Variants in SOX6 observed in about 807,000 individuals in gnomAD.
SOX6 encodes SRY-box transcription factor 6, also known as transcription factor SOX-6.
Under a neutral mutation model 97.8 loss-of-function variants are expected in SOX6, and 11 were observed. The observed-to-expected ratio is 0.11, with a 90% CI of 0.07 to 0.19. The LOEUF (loss-of-function observed/expected upper bound fraction) is 0.19. Ranked by LOEUF, SOX6 falls within the 10% of genes least tolerant of loss-of-function variation. SOX6 has a pLI of 1.00. For synonymous variants in SOX6, 360 were observed against 371.4 expected, an observed-to-expected ratio of 0.97 and a Z score of 0.35; for missense variants, 810 against 1,039.5, an observed-to-expected ratio of 0.78 and a Z score of 3.04.
chr11:16,364,666 A>G (rs1158184490), intron 1 of SOX6, among the ~76,000 whole-genome samples: 3 of 152,184 alleles, frequency 2.0e-5, no homozygotes, highest in Non-Finnish European at 2.9e-5. Context: ...CATCAATTTG[A>G]AAAGTATAAA....
intron 4 of SOX6, among the ~76,000 whole-genome samples, chr11:16,581,380 C>A (rs964017883): frequency 2.0e-5 from 3 of 152,076 alleles, no homozygotes; most frequent in Non-Finnish European, 2.9e-5. Flanking sequence ...TCCCCTCACT[C>A]ATAAGTGGGA....
At chr11:16,674,432 C>T (rs1182783577) in intron 3 of SOX6, among the ~76,000 whole-genome samples, 2 of 152,162 alleles carry the variant, frequency 1.3e-5, no homozygotes, top group Non-Finnish European at 2.9e-5. Flanking sequence ...GCAAGACCCA[C>T]AGCTAATATC....
intron 4 of SOX6, among the ~76,000 whole-genome samples, chr11:16,536,421 G>T (rs1057212093): frequency 6.6e-6 from 1 of 152,170 alleles, no homozygotes; most frequent in African/African-American, 2.4e-5. Flanking sequence ...ATTTCCAACT[G>T]AAGTACCTGG....
At chr11:16,606,087 A>G (rs930929266) in intron 4 of SOX6, 2 of 151,550 alleles carry the variant, frequency 1.3e-5, no homozygotes, top group African/African-American at 4.9e-5. Context: ...AAGACAGCCG[A>G]GGAGGGCACT....
chr11:16,449,234 TC>T lies in SOX6; in HGVS notation c.-5+27080del, dbSNP rs549150403. ...TGAACGAGCAGAAGTATTGGGTTTCTCCATCCTTTGGCTAATCAGTGTAAAA... is the reference window on the plus strand; with the variant it reads ...TGAACGAGCAGAAGTATTGGGTTTCTCATCCTTTGGCTAATCAGTGTAAAA... On this transcript the variant is annotated intron_variant, in intron 1 of 15. Coordinates refer to the SOX6 transcript ENST00000396356. Among the ~76,000 whole-genome samples, 9 of 149,778 alleles carry T rather than the reference TC, an allele frequency of 6.0e-5. No homozygotes were observed. In the East Asian group the frequency reaches 1.8e-3, roughly 30 times the overall value.
chr11:16,449,581 G>A (rs1256747591), intron 1 of SOX6, among the ~76,000 whole-genome samples: 1 of 152,018 alleles, frequency 6.6e-6, no homozygotes, highest in Non-Finnish European at 1.5e-5. Context: ...CGTGAGCCAC[G>A]GCGCCCGGCC....
chr11:16,711,557 T>C (rs904018828), intron 3 of SOX6, among the ~76,000 whole-genome samples: 1 of 152,184 alleles, frequency 6.6e-6, no homozygotes, highest in African/African-American at 2.4e-5. Context: ...ACTTTTAAGA[T>C]AAAATCTTAA....
chr11:16,398,094 G>A (rs939978491), intron 1 of SOX6, among the ~76,000 whole-genome samples: 1 of 151,372 alleles, frequency 6.6e-6, no homozygotes, highest in Non-Finnish European at 1.5e-5. Flanking sequence ...GAATAATCTG[G>A]GATGCTTGCA....
At chr11:16,011,634 T>G (rs1369413516) in intron 13 of SOX6, among the ~76,000 whole-genome samples, 1 of 152,088 alleles carries the variant, frequency 6.6e-6, no homozygotes, top group African/African-American at 2.4e-5. Context: ...CTAAGTGATA[T>G]TGTCATTTTC....
At chr11:16,186,664 C>A in intron 5 of SOX6, 119 bp downstream of exon 5, 3 of 1,196,142 alleles carry the variant, frequency 2.5e-6, no homozygotes, top group Non-Finnish European at 2.4e-6. Flanking sequence ...TCCATCTTTT[C>A]TTATTTTTAT....
At chr11:16,030,399 T>C (rs1485588551) in intron 12 of SOX6, among the ~76,000 whole-genome samples, 1 of 152,230 alleles carries the variant, frequency 6.6e-6, no homozygotes, top group African/African-American at 2.4e-5. Context: ...CATTGTCTAT[T>C]GTTCTAAACA....
At chr11:16,381,840 C>A (rs1183721621) in intron 1 of SOX6, among the ~76,000 whole-genome samples, 1 of 151,532 alleles carries the variant, frequency 6.6e-6, no homozygotes, top group East Asian at 1.9e-4. Flanking sequence ...ACAATGAACA[C>A]AATACCAAAG....
At chr11:16,497,874 C>G (rs987815853) in intron 4 of SOX6, among the ~76,000 whole-genome samples, 20 of 152,292 alleles carry the variant, frequency 1.3e-4, no homozygotes, top group African/African-American at 4.6e-4. Context: ...GAGAAGGGAA[C>G]CAAGTTGGAA....
At chr11:16,532,700 G>A (rs1399734819) in intron 4 of SOX6, among the ~76,000 whole-genome samples, 4 of 151,808 alleles carry the variant, frequency 2.6e-5, no homozygotes, top group African/African-American at 7.2e-5. Context: ...AAAATAAAAT[G>A]CAGTCTAAAT....
intron 6 of SOX6, among the ~76,000 whole-genome samples, chr11:16,174,678 A>G (rs1851136156): frequency 6.6e-6 from 1 of 151,948 alleles, no homozygotes; most frequent in Non-Finnish European, 1.5e-5. Context: ...TAATTCACAA[A>G]AGCTAGGCAA....
chr11:16,021,311 T>C (rs1176394534), intron 12 of SOX6, among the ~76,000 whole-genome samples: 1 of 152,194 alleles, frequency 6.6e-6, no homozygotes, highest in African/African-American at 2.4e-5. Flanking sequence ...TGAATGACTT[T>C]CTTTAATTCC....
At chr11:16,619,434 G>T (rs562076265) in intron 3 of SOX6, among the ~76,000 whole-genome samples, 1 of 151,708 alleles carries the variant, frequency 6.6e-6, no homozygotes, top group East Asian at 1.9e-4. Context: ...CCTAGTAACT[G>T]CATATTTGGT....
At chr11:16,591,320 T>TAGATAGATAGAC (rs1848148448) in intron 4 of SOX6, among the ~76,000 whole-genome samples, 1 of 69,478 alleles carries the variant, frequency 1.4e-5, no homozygotes, top group Non-Finnish European at 3.0e-5. Flanking sequence ...GTTAGATACA[T>TAGATAGATAGAC]AGATAGATAG....
chr11:16,154,213 C>T (rs16932634), intron 6 of SOX6, among the ~76,000 whole-genome samples: 16,406 of 151,536 alleles, frequency 0.11, 1,833 homozygotes, highest in East Asian at 0.37. Context: ...GGAACTATGC[C>T]GTAATCAGGA....
Sources: gnomAD v4.1 joint callset for allele counts (sites outside exome capture counted in the v4.1 genomes callset) on GRCh38, gnomAD v4.1.1 for gene constraint, MANE v1.5 for transcripts, NCBI Gene and HGNC (gene_info 2026-07-23, HGNC 2026-07-21) for gene names.